The following NDST3 variants were observed in gnomAD, a reference collection of about 807,000 sequenced individuals.
NDST3 encodes bifunctional heparan sulfate N-deacetylase/N-sulfotransferase 3.
A neutral mutation model predicts 96.1 loss-of-function variants in NDST3; 58 were observed. The observed-to-expected ratio is 0.60, with a 90% confidence interval of 0.49 to 0.75. NDST3 has a LOEUF of 0.75. Among genes scored for constraint, NDST3 ranks in the 30% least tolerant of loss-of-function variants. NDST3 has a pLI of 0.00. For missense variants in NDST3, 788 were observed against 1,034.2 expected (o/e 0.76, Z 3.27); for synonymous variants, 333 against 359.7 (o/e 0.93, Z 0.84).
chr4:118,203,070 T>C (rs760663753), intron 6 of NDST3, among the ~76,000 whole-genome samples: 5 of 152,246 alleles, frequency 3.3e-5, no homozygotes, highest in Non-Finnish European at 7.3e-5. Context: ...ATTGAGAAGA[T>C]AATTTCATTT....
intron 6 of NDST3, among the ~76,000 whole-genome samples, chr4:118,217,005 C>T (rs1739233780): frequency 6.6e-6 from 1 of 152,066 alleles, no homozygotes; most frequent in African/African-American, 2.4e-5. Flanking sequence ...GTTTAAAAAG[C>T]ACAAAACAAG....
chr4:118,064,523 T>C (rs924142359), intron 2 of NDST3, among the ~76,000 whole-genome samples: 1 of 152,118 alleles, frequency 6.6e-6, no homozygotes, highest in African/African-American at 2.4e-5. Context: ...ATTAAACTTC[T>C]AGATAAACTG....
chr4:118,118,894 A>G (rs1040022052), intron 4 of NDST3, among the ~76,000 whole-genome samples: 1 of 152,212 alleles, frequency 6.6e-6, no homozygotes, highest in Admixed American at 6.5e-5. Flanking sequence ...TTAAACCTCA[A>G]AAAAGTCTTC....
rs151249234 is a variant in NDST3 at position 118,053,910 on chromosome 4, C to A, written c.-1C>A. On this transcript the variant is annotated 5_prime_UTR_variant, in exon 2 of 14. Transcript: ENST00000296499. The stretch of plus-strand genomic sequence containing the variant: ...GCATAGTTGGGGAAAGCACCTACAA[C>A]ATGAGTTTTATCATGAAGCTTCACA... 1 of 1,591,268 alleles carries A rather than the reference C, an allele frequency of 6.3e-7. No homozygotes were observed. Among genetic ancestry groups the A allele is most frequent in the South Asian group, 1.1e-5 (1 of 87,932 alleles).
intron 6 of NDST3, among the ~76,000 whole-genome samples, chr4:118,153,685 G>A (rs1488962380): frequency 2.0e-5 from 3 of 152,058 alleles, no homozygotes; most frequent in East Asian, 1.9e-4. Context: ...TTAGCCGGGC[G>A]TGGTGGTGCA....
In NDST3 at chr4:118,177,638, G is replaced by A. The variant is rs114890739; in HGVS notation, c.1539+33954G>A. Among the ~76,000 whole-genome samples the A allele has an allele frequency of 5.2e-3, 797 of 152,054 alleles. 13 individuals carry two copies. The highest frequency in any genetic ancestry group is 0.018 in the African/African-American group (756 of 41,518). On this transcript the variant is annotated intron_variant, in intron 6 of 13. Transcript: ENST00000296499. ...TTTTAACAACAAAAGAACATGAATGGAGTTTGCCTTTTGACTTATCATTTA... is the reference window on the plus strand; with the variant it reads ...TTTTAACAACAAAAGAACATGAATGAAGTTTGCCTTTTGACTTATCATTTA...
At chr4:118,124,383 A>G (rs541367366) in intron 4 of NDST3, among the ~76,000 whole-genome samples, 6 of 152,196 alleles carry the variant, frequency 3.9e-5, no homozygotes, top group African/African-American at 1.4e-4. Flanking sequence ...TAACTAAATA[A>G]AAGAAAATGA....
chr4:118,158,138 A>G (rs1390848844), intron 6 of NDST3, among the ~76,000 whole-genome samples: 1 of 152,218 alleles, frequency 6.6e-6, no homozygotes, highest in Non-Finnish European at 1.5e-5. Context: ...GGAGATTAAT[A>G]AGAACTTAAG....
intron 2 of NDST3, among the ~76,000 whole-genome samples, chr4:118,057,288 T>C (rs1725505668): frequency 6.6e-6 from 1 of 151,984 alleles, no homozygotes; most frequent in African/African-American, 2.4e-5. Context: ...ATAGTGAAGA[T>C]CATTAAAGGT....
chr4:118,088,315 T>C (rs116422168), intron 2 of NDST3, among the ~76,000 whole-genome samples: 251 of 152,246 alleles, frequency 1.6e-3, no homozygotes, highest in African/African-American at 5.8e-3. Flanking sequence ...AATAATTTTC[T>C]GTGACTAAAA....
intron 2 of NDST3, among the ~76,000 whole-genome samples, chr4:118,070,647 C>T (rs371236690): frequency 4.3e-4 from 55 of 128,712 alleles, no homozygotes; most frequent in Non-Finnish European, 4.3e-4. Context: ...CTCAACCATT[C>T]TTTTTTTTTT....
chr4:118,111,908 C>T (rs1043944744), intron 3 of NDST3, among the ~76,000 whole-genome samples: 1 of 151,002 alleles, frequency 6.6e-6, no homozygotes, highest in Non-Finnish European at 1.5e-5. Flanking sequence ...GATCTCCTGA[C>T]CTCTTGATCT....
At chr4:118,233,585 T>G (rs1018598301) in intron 9 of NDST3, among the ~76,000 whole-genome samples, 1 of 152,114 alleles carries the variant, frequency 6.6e-6, no homozygotes, top group African/African-American at 2.4e-5. Flanking sequence ...TGTTTGTATA[T>G]TACATGAGTA....
At chr4:118,075,377 T>C (rs1194632350) in intron 2 of NDST3, among the ~76,000 whole-genome samples, 4 of 152,206 alleles carry the variant, frequency 2.6e-5, no homozygotes, top group Non-Finnish European at 4.4e-5. Flanking sequence ...AGTGTCTTTA[T>C]AGTAGCATGA....
rs116587310 is a variant in NDST3, at chr4:118,047,729, C to T, written c.-155-6027C>T. On this transcript the variant is annotated intron_variant, in intron 1 of 13. Coordinates refer to ENST00000296499, the MANE Select transcript of NDST3 (RefSeq NM_004784.3). ...AAATAATTGTTAGAAATGAACAAAA[C>T]CTCTGAGAAATATGGGTTATGTAAA... Among the ~76,000 whole-genome samples the T allele has an allele frequency of 3.6e-3, 554 of 152,172 alleles. 1 individual carries two copies. The highest frequency in any genetic ancestry group is 5.4e-3 in the Non-Finnish European group (370 of 67,990).
Position 118,208,837 on chromosome 4 carries a change from G to A in NDST3, c.1540-15654G>A, listed in dbSNP as rs1029012164. Among the ~76,000 whole-genome samples, 22 of 144,368 alleles carry A rather than the reference G, an allele frequency of 1.5e-4. 3 individuals carry two copies. Among genetic ancestry groups the A allele is most frequent in the Non-Finnish European group, 1.5e-5 (1 of 65,176 alleles). The allele number at this position is 144,368 out of a possible 152,430, so 94.7% of individuals were successfully genotyped here. A position where few individuals can be genotyped will look rare whatever the true frequency, so the allele number is the denominator to read the frequency against. Reference sequence around the variant, plus strand: ...AAAACTGTAAATGTTTGAATATTTAGAAACTTAACAACAATTAATCACTAG... The same window carrying A: ...AAAACTGTAAATGTTTGAATATTTAAAAACTTAACAACAATTAATCACTAG... On this transcript the variant is annotated intron_variant, in intron 6 of 13. Transcript: ENST00000296499.
At chr4:118,114,277 G>A (rs1279273896) in intron 3 of NDST3, among the ~76,000 whole-genome samples, 3 of 152,048 alleles carry the variant, frequency 2.0e-5, no homozygotes, top group African/African-American at 7.2e-5. Context: ...TCTCAACAAC[G>A]ATTTCCACAT....
At chr4:118,061,121 C>T (rs540212937) in intron 2 of NDST3, among the ~76,000 whole-genome samples, 1 of 152,278 alleles carries the variant, frequency 6.6e-6, no homozygotes, top group South Asian at 2.1e-4. Context: ...TTTATCTCTG[C>T]TACACGCCCA....
At position 118,258,385 on chromosome 4, in the gene NDST3, G is replaced by C. The variant is rs190888328; in HGVS notation, c.*2673G>C. ...ATAAATACATATGAGAGAATAATGA[G>C]AGATAATCTGATTTAAAACTAGCTT... On this transcript the variant is annotated 3_prime_UTR_variant, in exon 14 of 14. Transcript: ENST00000296499. 1.3e-4 allele frequency: 20 copies of C among 152,270 alleles called. No individual in the cohort carries two copies. The East Asian group carries it at 3.7e-3, about 28-fold the overall frequency. 9.4% of individuals were successfully genotyped at this position (152,270 alleles called of 1,614,324 possible).
Sources: allele counts gnomAD v4.1 joint callset (sites outside exome capture counted in the v4.1 genomes callset), GRCh38; gene constraint gnomAD v4.1.1; transcripts MANE v1.5; gene names NCBI Gene and HGNC (gene_info 2026-07-23, HGNC 2026-07-21).